CNTNAP2: variants seen among roughly 807,000 people sequenced by gnomAD.
CNTNAP2 encodes the protein contactin associated protein 2, also known as contactin-associated protein-like 2.
A neutral mutation model predicts 155.2 loss-of-function variants in CNTNAP2; 98 were observed. That is an observed-to-expected ratio of 0.63 (90% CI 0.54 to 0.75). The LOEUF is 0.75. CNTNAP2 is among the 30% of genes least tolerant of loss of function. CNTNAP2 has a pLI of 0.00. For missense variants in CNTNAP2, 1,727 were observed against 1,688.1 expected (o/e 1.02, Z -0.40); for synonymous variants, 651 against 631.2 (o/e 1.03, Z -0.47).
rs575170357 is a variant in CNTNAP2 at position 148,146,212 on chromosome 7, G to C, written c.2555-1279G>C. ...AATTAAACTGCTTAGAGATTAGGTG[G>C]AAAGCTTATTGATGGACAGAGGGGC... On this transcript the variant is annotated intron_variant, in intron 16 of 23. Coordinates refer to ENST00000361727, the MANE Select transcript of CNTNAP2 (RefSeq NM_014141.6). Among the ~76,000 whole-genome samples, 37 of 152,322 alleles carry C rather than the reference G, an allele frequency of 2.4e-4. No individual in the cohort carries two copies. The South Asian group carries it at 3.5e-3, about 15-fold the overall frequency.
At chr7:147,012,440 C>T (rs1243997164) in intron 3 of CNTNAP2, among the ~76,000 whole-genome samples, 1 of 151,952 alleles carries the variant, frequency 6.6e-6, no homozygotes, top group Non-Finnish European at 1.5e-5. Flanking sequence ...TTAAAATTGT[C>T]TGAAAAAGAG....
At chr7:148,022,394 G>A (rs570916982) in intron 15 of CNTNAP2, among the ~76,000 whole-genome samples, 5 of 151,322 alleles carry the variant, frequency 3.3e-5, no homozygotes, top group East Asian at 2.0e-4. Flanking sequence ...GCTTGAACCC[G>A]GGAGGCGGAA....
chr7:147,798,441 C>G (rs904485790), intron 13 of CNTNAP2, among the ~76,000 whole-genome samples: 9 of 152,154 alleles, frequency 5.9e-5, no homozygotes, highest in African/African-American at 2.2e-4. Context: ...GGTAAGTTTA[C>G]TCCAGGATGT....
intron 11 of CNTNAP2, among the ~76,000 whole-genome samples, chr7:147,561,547 A>G (rs1412283379): frequency 1.3e-5 from 2 of 152,254 alleles, no homozygotes; most frequent in Non-Finnish European, 2.9e-5. Flanking sequence ...CCGTCTACAC[A>G]AACTAGATTT....
chr7:146,430,614 C>T (rs1233769399), intron 1 of CNTNAP2, among the ~76,000 whole-genome samples: 1 of 151,950 alleles, frequency 6.6e-6, no homozygotes, highest in East Asian at 1.9e-4. Context: ...CCTGGCTGCA[C>T]CTCAATTCTT....
chr7:147,003,748 G>A (rs928196242), intron 3 of CNTNAP2, among the ~76,000 whole-genome samples: 2 of 152,028 alleles, frequency 1.3e-5, no homozygotes, highest in Non-Finnish European at 2.9e-5. Context: ...AACTGGTTGG[G>A]TGCAGTGGCT....
chr7:148,163,001 A>T (rs181570321), intron 17 of CNTNAP2, among the ~76,000 whole-genome samples: 10 of 152,212 alleles, frequency 6.6e-5, no homozygotes, highest in African/African-American at 9.7e-5. Context: ...TGTGCCAAAA[A>T]AAATAAATAA....
At chr7:147,394,945 G>A (rs911626620) in intron 9 of CNTNAP2, among the ~76,000 whole-genome samples, 1 of 149,320 alleles carries the variant, frequency 6.7e-6, no homozygotes, top group African/African-American at 2.5e-5. Context: ...CCATATTATG[G>A]TATTTTATTT....
intron 1 of CNTNAP2, among the ~76,000 whole-genome samples, chr7:146,709,653 C>A (rs1447763187): frequency 6.6e-6 from 1 of 152,152 alleles, no homozygotes; most frequent in Non-Finnish European, 1.5e-5. Context: ...TGGCAGTGTG[C>A]AGTCTGGATG....
intron 14 of CNTNAP2, among the ~76,000 whole-genome samples, chr7:147,970,417 G>A (rs1026959240): frequency 6.6e-6 from 1 of 152,076 alleles, no homozygotes; most frequent in African/African-American, 2.4e-5. Context: ...TGATTGTTAG[G>A]AGGCAGAAAA....
At chr7:147,877,131 C>A (rs538647988) in intron 13 of CNTNAP2, among the ~76,000 whole-genome samples, 3 of 151,162 alleles carry the variant, frequency 2.0e-5, no homozygotes, top group Admixed American at 2.0e-4. Flanking sequence ...TCAGACACAA[C>A]GAAGGCTTTT....
chr7:147,727,272 A>G (rs909482118), intron 13 of CNTNAP2, among the ~76,000 whole-genome samples: 1 of 151,944 alleles, frequency 6.6e-6, no homozygotes, highest in African/African-American at 2.4e-5. Flanking sequence ...AATGTGTGTT[A>G]CTGGTCGGTT....
At chr7:147,026,244 A>T (rs2129248666) in intron 3 of CNTNAP2, among the ~76,000 whole-genome samples, 1 of 152,346 alleles carries the variant, frequency 6.6e-6, no homozygotes, top group East Asian at 1.9e-4. Context: ...TGAGATACGT[A>T]TGAAAGCATT....
intron 1 of CNTNAP2, among the ~76,000 whole-genome samples, chr7:146,359,860 GTGA>G (rs1282927385): frequency 6.6e-6 from 1 of 152,110 alleles, no homozygotes; most frequent in Non-Finnish European, 1.5e-5. Flanking sequence ...AATAGAAGTT[GTGA>G]TGATATCTCA....
rs188159308 is a variant in CNTNAP2, at chr7:147,758,532, G to A, written c.2098+119226G>A. ...TGACGTAGTAAGGATCCTTGACCTT[G>A]GTTTTCAGTAAGTTAATTAAATATC... On this transcript the variant is annotated intron_variant, in intron 13 of 23. Transcript: ENST00000361727. Among the ~76,000 whole-genome samples, 39 of 152,170 alleles carry A rather than the reference G, an allele frequency of 2.6e-4. 1 individual carries two copies. The highest frequency in any genetic ancestry group is 4.1e-4 in the South Asian group (2 of 4,824).
intron 1 of CNTNAP2, among the ~76,000 whole-genome samples, chr7:146,228,722 T>G (rs1487598228): frequency 2.0e-5 from 3 of 152,174 alleles, no homozygotes; most frequent in Non-Finnish European, 4.4e-5. Context: ...TTTATCATTT[T>G]CCTATTGCTC....
At chr7:146,725,336 A>G (rs757530674) in intron 1 of CNTNAP2, among the ~76,000 whole-genome samples, 2 of 152,166 alleles carry the variant, frequency 1.3e-5, no homozygotes, top group Non-Finnish European at 1.5e-5. Flanking sequence ...AACAGTGAGA[A>G]AATTATGGCA....
intron 10 of CNTNAP2, among the ~76,000 whole-genome samples, chr7:147,454,340 G>A (rs1380265923): frequency 6.6e-6 from 1 of 152,032 alleles, no homozygotes; most frequent in Non-Finnish European, 1.5e-5. Context: ...GTTCAGCCAA[G>A]GTTATGCATT....
chr7:148,220,815 AG>A (rs59335328), intron 19 of CNTNAP2, among the ~76,000 whole-genome samples: 19,295 of 152,098 alleles, frequency 0.13, 1,525 homozygotes, highest in East Asian at 0.28. Context: ...GGTCTTCAGG[AG>A]TTCATCAGTT....
Sources: gnomAD v4.1 joint callset for allele counts (sites outside exome capture counted in the v4.1 genomes callset) on GRCh38, gnomAD v4.1.1 for gene constraint, MANE v1.5 for transcripts, NCBI Gene and HGNC (gene_info 2026-07-23, HGNC 2026-07-21) for gene names.